EXT2: variants seen among roughly 807,000 people sequenced by gnomAD.
EXT2 encodes exostosin glycosyltransferase 2.
Under a neutral mutation model 81.6 loss-of-function variants are expected in EXT2, and 53 were observed. The observed-to-expected ratio is 0.65, with a 90% CI of 0.52 to 0.82. EXT2 has a LOEUF of 0.82. Among genes scored for constraint, EXT2 ranks in the 40% least tolerant of loss-of-function variants. EXT2 has a pLI of 0.00. For synonymous variants in EXT2, 320 were observed against 340.0 expected, an observed-to-expected ratio of 0.94 and a Z score of 0.65; for missense variants, 774 against 910.2, an observed-to-expected ratio of 0.85 and a Z score of 1.93.
intron 7 of EXT2, among the ~76,000 whole-genome samples, chr11:44,147,308 T>G (rs1452304410): frequency 6.6e-6 from 1 of 152,222 alleles, no homozygotes; most frequent in African/African-American, 2.4e-5. Context: ...CTACCTCATT[T>G]GTGTTTTTCA....
At chr11:44,152,818 T>C (rs1362499900) in intron 7 of EXT2, among the ~76,000 whole-genome samples, 2 of 152,222 alleles carry the variant, frequency 1.3e-5, no homozygotes, top group African/African-American at 4.8e-5. Context: ...TTTTGCTCCT[T>C]TGTCAAAGAT....
At chr11:44,179,961 A>G (rs1296726056) in intron 8 of EXT2, among the ~76,000 whole-genome samples, 1 of 152,246 alleles carries the variant, frequency 6.6e-6, no homozygotes, top group Non-Finnish European at 1.5e-5. Context: ...TTACAGCTGC[A>G]GGTTAGAAAA....
At position 44,251,265 on chromosome 11, in the gene EXT2, C is replaced by T. The variant is rs965638345; in HGVS notation, c.*6978C>T. Among the ~76,000 whole-genome samples, 11 of 152,032 alleles carry T rather than the reference C, an allele frequency of 7.2e-5. No homozygotes were observed. Among genetic ancestry groups the T allele is most frequent in the Non-Finnish European group, 1.5e-4 (10 of 68,022 alleles). On this transcript the variant is annotated 3_prime_UTR_variant, in exon 14 of 14. Transcript: ENST00000533608. Reference sequence around the variant, plus strand: ...CTTTGGAAGTCATAATGATGAATATCCATTAATAAGAGATTGATGCTCTTT... The same window carrying T: ...CTTTGGAAGTCATAATGATGAATATTCATTAATAAGAGATTGATGCTCTTT...
intron 4 of EXT2, among the ~76,000 whole-genome samples, chr11:44,119,786 GC>G (rs1214575135): frequency 2.6e-5 from 4 of 152,178 alleles, no homozygotes; most frequent in African/African-American, 9.7e-5. Flanking sequence ...GGGCAGGGCA[GC>G]CCCCAACATC....
intron 9 of EXT2, among the ~76,000 whole-genome samples, chr11:44,202,343 G>A (rs193075419): frequency 6.6e-6 from 1 of 152,206 alleles, no homozygotes; most frequent in Non-Finnish European, 1.5e-5. Flanking sequence ...TGTAAGTCCA[G>A]ATTCCATCCA....
rs150500350 is a variant in EXT2, at chr11:44,114,510, A to C, written c.743+209A>C. 5.7e-4 allele frequency among the ~76,000 whole-genome samples: 87 copies of C among 152,266 alleles called. 1 individual carries two copies. In the East Asian group the frequency reaches 0.016, roughly 28 times the overall value. On this transcript the variant is annotated intron_variant, in intron 4 of 13. Transcript: ENST00000533608. ...CTTAAATTCACAGTGCTGTCTACCA[A>C]GTTTTCTAAGCCAGGAATCCATGTG...
chr11:44,177,351 T>C (rs755682810), intron 8 of EXT2, among the ~76,000 whole-genome samples: 4 of 152,264 alleles, frequency 2.6e-5, no homozygotes, highest in African/African-American at 4.8e-5. Flanking sequence ...TCTCCCTAAA[T>C]ATCCTATATT....
chr11:44,175,636 T>C (rs1404474231), intron 8 of EXT2, among the ~76,000 whole-genome samples: 1 of 152,228 alleles, frequency 6.6e-6, no homozygotes, highest in Non-Finnish European at 1.5e-5. Flanking sequence ...ATGTTATCTG[T>C]GTTTCTTTTC....
intron 4 of EXT2, among the ~76,000 whole-genome samples, chr11:44,120,635 A>G (rs1261660426): frequency 2.0e-4 from 31 of 152,192 alleles, no homozygotes; most frequent in Admixed American, 2.0e-3. Flanking sequence ...TCCTTGTGAG[A>G]GTTGCTGTTT....
intron 6 of EXT2, 134 bp downstream of exon 6, chr11:44,127,089 A>T: frequency 1.6e-6 from 2 of 1,227,514 alleles, no homozygotes; most frequent in East Asian, 4.8e-5. Context: ...TTCCATTAGG[A>T]GAGTTAGTAC....
At chr11:44,121,712 A>G (rs761765734) in intron 4 of EXT2, among the ~76,000 whole-genome samples, 13 of 151,320 alleles carry the variant, frequency 8.6e-5, no homozygotes, top group Non-Finnish European at 1.3e-4. Flanking sequence ...CACTGGGGTG[A>G]TGCTATCATT....
At chr11:44,224,100 G>A (rs1225555962) in intron 10 of EXT2, among the ~76,000 whole-genome samples, 1 of 152,122 alleles carries the variant, frequency 6.6e-6, no homozygotes, top group East Asian at 1.9e-4. Context: ...GCGTATACAG[G>A]CTCTCTGCAT....
At chr11:44,111,491 A>T (rs1954141812) in intron 3 of EXT2, among the ~76,000 whole-genome samples, 1 of 152,214 alleles carries the variant, frequency 6.6e-6, no homozygotes. Context: ...ATATTTCATG[A>T]CTTATACATC....
chr11:44,235,957 G>A (rs1381604318), intron 12 of EXT2, among the ~76,000 whole-genome samples: 3 of 152,196 alleles, frequency 2.0e-5, no homozygotes, highest in South Asian at 2.1e-4. Flanking sequence ...GTATTTCATC[G>A]CCCTTATGGC....
chr11:44,187,255 G>A (rs1480295936), intron 8 of EXT2, among the ~76,000 whole-genome samples: 2 of 150,974 alleles, frequency 1.3e-5, no homozygotes, highest in Non-Finnish European at 2.9e-5. Flanking sequence ...ACAGCTCACT[G>A]CAGCCTCAAA....
At chr11:44,138,532 T>G (rs1954602344) in intron 7 of EXT2, among the ~76,000 whole-genome samples, 1 of 152,014 alleles carries the variant, frequency 6.6e-6, no homozygotes, top group Non-Finnish European at 1.5e-5. Flanking sequence ...GTCAATTCAG[T>G]GGGTCACGAC....
intron 6 of EXT2, among the ~76,000 whole-genome samples, chr11:44,127,371 A>G (rs1954423654): frequency 6.6e-6 from 1 of 152,224 alleles, no homozygotes. Context: ...CCAGCGGGCC[A>G]GTGAACATTA....
chr11:44,144,456 C>A, intron 7 of EXT2: 1 of 877,236 alleles, frequency 1.1e-6, no homozygotes, highest in East Asian at 2.5e-5. Context: ...TAACCTTTCA[C>A]CCCAATGGCT....
rs536389454 is a variant in EXT2 at position 44,180,877 on chromosome 11, G to A, written c.1305+9135G>A. Among the ~76,000 whole-genome samples, 10 of 152,232 alleles carry A rather than the reference G, an allele frequency of 6.6e-5. No individual in the cohort carries two copies. The South Asian group carries it at 1.2e-3, about 19-fold the overall frequency. On this transcript the variant is annotated intron_variant, in intron 8 of 13. Transcript: ENST00000533608. ...AGCACTGTGGGAGGCCGAGGCGGGC[G>A]GATCACCTGAGGTCAGGAGTTCAAG...
Sources: allele counts gnomAD v4.1 joint callset (sites outside exome capture counted in the v4.1 genomes callset), GRCh38; gene constraint gnomAD v4.1.1; transcripts MANE v1.5; gene names NCBI Gene and HGNC (gene_info 2026-07-23, HGNC 2026-07-21).